SLC4A4: variants seen among roughly 807,000 people sequenced by gnomAD.
SLC4A4 encodes the protein electrogenic sodium bicarbonate cotransporter 1.
SLC4A4 carries 27 observed loss-of-function variants against 111.5 expected under a neutral mutation model. That is an observed-to-expected ratio of 0.24 (90% CI 0.18 to 0.33). The LOEUF (loss-of-function observed/expected upper bound fraction) is 0.33, where lower values mean the gene tolerates loss of function less well. Among genes scored for constraint, SLC4A4 ranks in the 10% least tolerant of loss-of-function variants. SLC4A4 has a pLI of 1.00. For synonymous variants in SLC4A4, 443 were observed against 463.4 expected, an observed-to-expected ratio of 0.96 and a Z score of 0.57; for missense variants, 909 against 1,315.5, an observed-to-expected ratio of 0.69 and a Z score of 4.78.
intron 14 of SLC4A4, among the ~76,000 whole-genome samples, chr4:71,476,291 A>G (rs576770098): frequency 6.6e-6 from 1 of 151,954 alleles, no homozygotes; most frequent in Non-Finnish European, 1.5e-5. Context: ...AAACTGAAAG[A>G]TGATAGTGAG....
intron 2 of SLC4A4, among the ~76,000 whole-genome samples, chr4:71,151,634 CCTGT>C (rs1039964733): frequency 7.3e-5 from 11 of 151,398 alleles, no homozygotes; most frequent in Admixed American, 3.3e-4. Flanking sequence ...AAAAATATTT[CCTGT>C]CTGCGCATGG....
intron 5 of SLC4A4, among the ~76,000 whole-genome samples, chr4:71,356,627 A>G (rs1216519568): frequency 6.6e-6 from 1 of 152,152 alleles, no homozygotes; most frequent in Non-Finnish European, 1.5e-5. Flanking sequence ...AATTTTCTAT[A>G]CTCTTTTTAA....
chr4:71,274,366 G>A (rs1461677855), intron 3 of SLC4A4, among the ~76,000 whole-genome samples: 2 of 152,160 alleles, frequency 1.3e-5, no homozygotes, highest in Non-Finnish European at 2.9e-5. Flanking sequence ...GTGGACCCAT[G>A]CAGTTCAAAC....
chr4:71,484,079 T>A (rs1729143152), intron 14 of SLC4A4, among the ~76,000 whole-genome samples: 1 of 152,022 alleles, frequency 6.6e-6, no homozygotes, highest in African/African-American at 2.4e-5. Flanking sequence ...ATTAGGCCTT[T>A]GTCAGATGCA....
At chr4:71,140,184 C>T (rs1206151391) in intron 2 of SLC4A4, among the ~76,000 whole-genome samples, 5 of 152,088 alleles carry the variant, frequency 3.3e-5, no homozygotes, top group African/African-American at 9.7e-5. Context: ...CTTTGGGAGA[C>T]GAAGGTAGGC....
chr4:71,158,747 G>T (rs1420554475), intron 2 of SLC4A4, among the ~76,000 whole-genome samples: 1 of 152,122 alleles, frequency 6.6e-6, no homozygotes, highest in East Asian at 1.9e-4. Context: ...ATCTCTCTTT[G>T]CCACTCATTG....
chr4:71,519,427 C>G (rs1732722130), intron 16 of SLC4A4, among the ~76,000 whole-genome samples: 1 of 152,094 alleles, frequency 6.6e-6, no homozygotes, highest in African/African-American at 2.4e-5. Context: ...AGTTACAATT[C>G]TTTTAAAGAA....
At chr4:71,071,024 A>G (rs1251373312) in intron 1 of SLC4A4, among the ~76,000 whole-genome samples, 1 of 152,208 alleles carries the variant, frequency 6.6e-6, no homozygotes, top group African/African-American at 2.4e-5. Flanking sequence ...TTATCCCAGC[A>G]CTTTGGGATG....
intron 2 of SLC4A4, among the ~76,000 whole-genome samples, chr4:71,098,938 G>A (rs1000626839): frequency 6.6e-6 from 1 of 152,134 alleles, no homozygotes; most frequent in Admixed American, 6.5e-5. Context: ...ACCCAACACA[G>A]GAGCACTCAG....
chr4:71,247,629 GT>G (rs540261945), intron 2 of SLC4A4, among the ~76,000 whole-genome samples: 1 of 152,096 alleles, frequency 6.6e-6, no homozygotes, highest in Admixed American at 6.6e-5. Flanking sequence ...ATTAGCTATT[GT>G]TTTTTTATCT....
At chr4:71,101,782 A>G (rs1016934981) in intron 2 of SLC4A4, among the ~76,000 whole-genome samples, 19 of 152,090 alleles carry the variant, frequency 1.2e-4, no homozygotes, top group Non-Finnish European at 2.1e-4. Context: ...CATCACCATC[A>G]TCAAAGACCA....
chr4:71,357,222 T>A (rs1730362878), intron 6 of SLC4A4, 35 bp downstream of exon 6: 3 of 1,598,942 alleles, frequency 1.9e-6, no homozygotes, highest in African/African-American at 2.7e-5. Flanking sequence ...TGCTTTCTCT[T>A]ACTTATTTCA....
chr4:71,434,739 A>C (rs1184777458), intron 7 of SLC4A4: 1 of 152,164 alleles, frequency 6.6e-6, no homozygotes, highest in South Asian at 2.1e-4. Flanking sequence ...ATACAAAATC[A>C]ATGTGCAAAA....
chr4:71,285,235 C>T (rs1215473550), intron 3 of SLC4A4, among the ~76,000 whole-genome samples: 3 of 152,026 alleles, frequency 2.0e-5, no homozygotes, highest in African/African-American at 4.8e-5. Context: ...TAAATGATGC[C>T]GTCATTTAGT....
chr4:71,296,838 T>C (rs756740944), intron 3 of SLC4A4, among the ~76,000 whole-genome samples: 6 of 152,198 alleles, frequency 3.9e-5, no homozygotes, highest in Non-Finnish European at 7.3e-5. Context: ...ACCTGTTTGC[T>C]TTGTTGGCTA....
chr4:71,415,984 C>T (rs1721793119), intron 7 of SLC4A4, among the ~76,000 whole-genome samples: 1 of 152,182 alleles, frequency 6.6e-6, no homozygotes, highest in South Asian at 2.1e-4. Context: ...TGAGGAAACT[C>T]ACTTTAAAGA....
chr4:71,533,492 A>T (rs1199263826), intron 17 of SLC4A4, among the ~76,000 whole-genome samples: 3 of 152,112 alleles, frequency 2.0e-5, no homozygotes, highest in Non-Finnish European at 4.4e-5. Flanking sequence ...GCATTGTTGA[A>T]TGTAAGGAAA....
intron 9 of SLC4A4, 28 bp downstream of exon 9, chr4:71,447,761 TG>T: frequency 7.3e-7 from 1 of 1,363,820 alleles, no homozygotes; most frequent in Non-Finnish European, 1.0e-6. Flanking sequence ...TGGAGTTCTG[TG>T]AATGTCCTAC....
chr4:71,149,307 GA>G (rs1036442893), intron 2 of SLC4A4, among the ~76,000 whole-genome samples: 2 of 151,722 alleles, frequency 1.3e-5, no homozygotes, highest in Non-Finnish European at 2.9e-5. Context: ...ATTCAACAGA[GA>G]AAAAAAATTA....
Sources: gnomAD v4.1 joint callset for allele counts (sites outside exome capture counted in the v4.1 genomes callset) on GRCh38, gnomAD v4.1.1 for gene constraint, MANE v1.5 for transcripts, NCBI Gene and HGNC (gene_info 2026-07-23, HGNC 2026-07-21) for gene names.